KCNG2: variants seen among roughly 807,000 people sequenced by gnomAD.
KCNG2 encodes the protein voltage-gated potassium channel regulatory subunit KCNG2.
A neutral mutation model predicts 12.3 loss-of-function variants in KCNG2; 7 were observed. That is an observed-to-expected ratio of 0.57 (90% CI 0.32 to 1.07). KCNG2 has a LOEUF of 1.07. Ranked by LOEUF, KCNG2 falls within the 50% of genes least tolerant of loss-of-function variation. The pLI, the probability that KCNG2 is intolerant of heterozygous loss-of-function variation, is 0.04. For synonymous variants in KCNG2, 414 were observed against 351.4 expected (o/e 1.18, Z -1.99); for missense variants, 703 against 726.0 (o/e 0.97, Z 0.36).
intron 3 of KCNG2, among the ~76,000 whole-genome samples, chr18:79,873,844 G>T (rs1979962067): frequency 6.6e-6 from 1 of 152,266 alleles, no homozygotes; most frequent in Non-Finnish European, 1.5e-5. Flanking sequence ...AAAGAAGGCA[G>T]CAGCTGCGGT....
intron 1 of KCNG2, among the ~76,000 whole-genome samples, chr18:79,845,347 G>A (rs1291920077): frequency 6.6e-6 from 1 of 152,218 alleles, no homozygotes; most frequent in Non-Finnish European, 1.5e-5. Context: ...GTCTGGATGT[G>A]TCCATGTCGG....
At chr18:79,895,146 A>T (rs1283734670) in intron 3 of KCNG2, among the ~76,000 whole-genome samples, 1 of 151,196 alleles carries the variant, frequency 6.6e-6, no homozygotes, top group African/African-American at 2.4e-5. Context: ...GGTACAATTG[A>T]TATAGTTGGG....
intron 2 of KCNG2, among the ~76,000 whole-genome samples, chr18:79,858,894 C>T (rs1045428895): frequency 2.0e-5 from 3 of 152,176 alleles, no homozygotes; most frequent in Non-Finnish European, 4.4e-5. Context: ...CTATTCAGAT[C>T]CTCTGCCCAT....
At chr18:79,851,146 C>T (rs770167024) in intron 1 of KCNG2, among the ~76,000 whole-genome samples, 15 of 151,908 alleles carry the variant, frequency 9.9e-5, no homozygotes, top group South Asian at 4.2e-4. Context: ...AGGAGGAACA[C>T]GTACAATGCT....
chr18:79,881,878 G>T (rs958852347), intron 3 of KCNG2, among the ~76,000 whole-genome samples: 2 of 152,238 alleles, frequency 1.3e-5, no homozygotes, highest in African/African-American at 4.8e-5. Flanking sequence ...GCGTGGGGTC[G>T]TGGACACAGT....
chr18:79,868,698 A>T (rs1979709562), intron 3 of KCNG2, among the ~76,000 whole-genome samples: 1 of 152,162 alleles, frequency 6.6e-6, no homozygotes, highest in Non-Finnish European at 1.5e-5. Flanking sequence ...CCGTAAAATG[A>T]TGGTGATTCC....
chr18:79,884,766 G>A lies in KCNG2; in HGVS notation c.625-14274G>A, dbSNP rs550195727. On this transcript the variant is annotated intron_variant, in intron 3 of 3. Coordinates refer to ENST00000316249, the MANE Select transcript of KCNG2 (RefSeq NM_012283.2). The surrounding 1 kb of genome is among the most constrained non-coding windows in gnomAD (Gnocchi z 5.5). ...CCGCCCGGCTCTGTGTTCCTCGGGGGGGCTCATCCTGGGGCCCAGGAACTC... is the reference window on the plus strand; with the variant it reads ...CCGCCCGGCTCTGTGTTCCTCGGGGAGGCTCATCCTGGGGCCCAGGAACTC... Among the ~76,000 whole-genome samples the A allele has an allele frequency of 6.6e-6, 1 of 152,314 alleles. No homozygotes were observed. Among genetic ancestry groups the A allele is most frequent in the Admixed American group, 6.5e-5 (1 of 15,308 alleles).
chr18:79,841,335 C>T (rs1978454135), intron 1 of KCNG2, among the ~76,000 whole-genome samples: 3 of 152,026 alleles, frequency 2.0e-5, no homozygotes, highest in African/African-American at 4.8e-5. Flanking sequence ...AGAAAACCTT[C>T]GAGATGTTGG....
At chr18:79,865,982 G>T (rs1346410832) in intron 3 of KCNG2, among the ~76,000 whole-genome samples, 3 of 131,410 alleles carry the variant, frequency 2.3e-5, no homozygotes, top group African/African-American at 8.6e-5. Context: ...GTGTGCCGAG[G>T]TCTGGGTGCT....
At chr18:79,860,543 T>A (rs1979172894) in intron 2 of KCNG2, among the ~76,000 whole-genome samples, 1 of 152,260 alleles carries the variant, frequency 6.6e-6, no homozygotes, top group Non-Finnish European at 1.5e-5. Flanking sequence ...TCTGATGCTC[T>A]TATAAATGGA....
chr18:79,896,332 C>T (rs1354927722), intron 3 of KCNG2, among the ~76,000 whole-genome samples: 1 of 151,918 alleles, frequency 6.6e-6, no homozygotes, highest in East Asian at 1.9e-4. Flanking sequence ...CTGGAGTTTA[C>T]CACAAATAAT....
intron 3 of KCNG2, among the ~76,000 whole-genome samples, chr18:79,868,127 TAG>T (rs1463739472): frequency 1.3e-5 from 2 of 152,154 alleles, no homozygotes; most frequent in Non-Finnish European, 2.9e-5. Context: ...TGTGTCACGT[TAG>T]AGAATAGGAG....
At chr18:79,893,065 G>C (rs969200849) in intron 3 of KCNG2, among the ~76,000 whole-genome samples, 2 of 151,286 alleles carry the variant, frequency 1.3e-5, no homozygotes, top group Non-Finnish European at 2.9e-5. Context: ...GCTTTTGATT[G>C]GGTTGTTCGC....
chr18:79,899,842 C>T lies in KCNG2; in HGVS notation c.*26C>T, dbSNP rs528666051. 19 of 1,319,204 alleles carry T rather than the reference C, an allele frequency of 1.4e-5. No individual in the cohort carries two copies. In the African/African-American group the frequency reaches 2.9e-4, roughly 20 times the overall value. 81.7% of individuals were successfully genotyped at this position (1,319,204 alleles called of 1,614,324 possible). A position where few individuals can be genotyped will look rare whatever the true frequency, so the allele number is the denominator to read the frequency against. On this transcript the variant is annotated 3_prime_UTR_variant, in exon 4 of 4. Transcript: ENST00000316249. Reference sequence around the variant, plus strand: ...CGCCTGCGCCGCCCACACGGAGACCCCCTGCCCCCTCCAGCTGCAGCGTCG... The same window carrying T: ...CGCCTGCGCCGCCCACACGGAGACCTCCTGCCCCCTCCAGCTGCAGCGTCG...
chr18:79,866,748 G>A (rs1238772028), intron 3 of KCNG2, among the ~76,000 whole-genome samples: 3,635 of 58,054 alleles, frequency 0.063, 70 homozygotes, highest in Non-Finnish European at 0.11. Context: ...TGTGGTCTGG[G>A]TGCTGAGGTC....
intron 1 of KCNG2, among the ~76,000 whole-genome samples, chr18:79,815,441 C>CAAAAA (rs760919178): frequency 2.5e-5 from 2 of 78,812 alleles, no homozygotes; most frequent in African/African-American, 4.0e-5. Context: ...AACCCTGCCT[C>CAAAAA]AAAAAAAAAA....
rs1022435187 is a variant in KCNG2, at chr18:79,832,858, C to T, written c.-114-23521C>T. The stretch of plus-strand genomic sequence containing the variant: ...CTCCTGTGGCTCCTCTGGGAGGGCT[C>T]CTGCGTCTGCTCCTTAAGCCCCTGG... On this transcript the variant is annotated intron_variant, in intron 1 of 3. Coordinates refer to ENST00000316249, the MANE Select transcript of KCNG2 (RefSeq NM_012283.2). Among the ~76,000 whole-genome samples, 52 of 152,266 alleles carry T rather than the reference C, an allele frequency of 3.4e-4. 1 individual carries two copies. The highest frequency in any genetic ancestry group is 1.2e-3 in the African/African-American group (50 of 41,548).
intron 3 of KCNG2, among the ~76,000 whole-genome samples, chr18:79,872,605 C>T (rs952697691): frequency 1.3e-5 from 2 of 152,150 alleles, no homozygotes; most frequent in South Asian, 2.1e-4. Flanking sequence ...CATAAAATCC[C>T]TCCCAGGTCT....
chr18:79,835,197 C>G (rs994523377), intron 1 of KCNG2, among the ~76,000 whole-genome samples: 1 of 152,204 alleles, frequency 6.6e-6, no homozygotes, highest in African/African-American at 2.4e-5. Context: ...TCTCTCTCCC[C>G]CCTGCCAGAG....
Sources: gnomAD v4.1 joint callset for allele counts (sites outside exome capture counted in the v4.1 genomes callset) on GRCh38, gnomAD v4.1.1 for gene constraint, Gnocchi (gnomAD v3.1) non-coding constraint, MANE v1.5 for transcripts, NCBI Gene and HGNC (gene_info 2026-07-23, HGNC 2026-07-21) for gene names.